ABCA3: variants seen among roughly 807,000 people sequenced by gnomAD.
ABCA3 encodes the protein ATP binding cassette subfamily A member 3, also known as phospholipid-transporting ATPase ABCA3.
In ABCA3, 88 loss-of-function variants were observed where a neutral mutation model predicts 172.8. The ratio of observed to expected loss-of-function variants is 0.51; its 90% CI spans 0.43 to 0.61. The LOEUF (loss-of-function observed/expected upper bound fraction) is 0.61, where lower values mean the gene tolerates loss of function less well. ABCA3 is among the 20% of genes least tolerant of loss of function. The pLI, the probability that ABCA3 is intolerant of heterozygous loss-of-function variation, is 0.00. For synonymous variants in ABCA3, 1,066 were observed against 983.8 expected (o/e 1.08, Z -1.56); for missense variants, 2,164 against 2,301.0 (o/e 0.94, Z 1.22).
chr16:2,298,684 T>C, intron 14 of ABCA3, 144 bp from the exon 15 acceptor site: 1 of 962,054 alleles, frequency 1.0e-6, no homozygotes, highest in South Asian at 1.5e-5. Context: ...CCACTCCCAC[T>C]GGGGTGGGCT....
At position 2,297,770 on chromosome 16, in the gene ABCA3, G is replaced by C. The variant is rs1477240382; in HGVS notation, c.2048C>G (p.Ser683Cys). Residue 683 changes from serine to cysteine, a missense_variant, in exon 16 of 33, where the codon TCC becomes TGC. Around this residue, in one of 3 missense-constraint regions of ABCA3, gnomAD observed 1,343 missense variants for 1,369.6 expected, o/e 0.98. Coordinates refer to ENST00000301732, the MANE Select transcript of ABCA3 (RefSeq NM_001089.3). The surrounding 1 kb of genome is among the most constrained non-coding windows in gnomAD (Gnocchi z 5.6). ...LSIGIALIAGSKVLILDEPTS... is the reference protein window; with the variant it reads ...LSIGIALIAGCKVLILDEPTS... ...CCTCCAGTCCCACCGCCACACCTTG[G>C]AGCCTGCGATGAGGGCGATGCCGAT... The C allele has an allele frequency of 6.2e-7, 1 of 1,611,662 alleles. No homozygotes were observed. Among genetic ancestry groups the C allele is most frequent in the Non-Finnish European group, 8.5e-7 (1 of 1,180,026 alleles).
chr16:2,318,177 G>A (rs572002980), intron 8 of ABCA3, among the ~76,000 whole-genome samples: 2 of 152,328 alleles, frequency 1.3e-5, no homozygotes, highest in African/African-American at 4.8e-5. Context: ...TGTGAGACGT[G>A]ACCACAGATC....
Position 2,288,008 on chromosome 16 carries a change from C to T in ABCA3, c.3004+18G>A, listed in dbSNP as rs1440817719. 2 of 1,600,454 alleles carry T rather than the reference C, an allele frequency of 1.2e-6. No homozygotes were observed. Among genetic ancestry groups the T allele is most frequent in the Non-Finnish European group, 1.7e-6 (2 of 1,179,550 alleles). On this transcript the variant is annotated intron_variant, in intron 21 of 32. Transcript: ENST00000301732. ...CTGGCCCCCGATGCCCCCGTCCCGC[C>T]CCCGGGATGCCCCTTACCGAGCACC...
At chr16:2,338,068 C>T (rs1322356233) in intron 1 of ABCA3, among the ~76,000 whole-genome samples, 1 of 152,186 alleles carries the variant, frequency 6.6e-6, no homozygotes, top group Non-Finnish European at 1.5e-5. Context: ...AGCTGTTCTG[C>T]CTCCCTAGGT....
intron 20 of ABCA3, 98 bp downstream of exon 20, chr16:2,289,336 T>C (rs553191587): frequency 1.4e-6 from 2 of 1,446,198 alleles, no homozygotes; most frequent in South Asian, 1.2e-5. Flanking sequence ...CGGACCCTGT[T>C]TGCGCCCTCG....
At chr16:2,317,168 C>T (rs1038152226) in intron 10 of ABCA3, 115 bp downstream of exon 10, 12 of 1,500,778 alleles carry the variant, frequency 8.0e-6, no homozygotes, top group African/African-American at 1.4e-5. Flanking sequence ...GTCAGCTCCT[C>T]CCTGGGCAGC....
At chr16:2,313,785 C>T (rs1470979555) in intron 10 of ABCA3, among the ~76,000 whole-genome samples, 1 of 150,032 alleles carries the variant, frequency 6.7e-6, no homozygotes, top group Non-Finnish European at 1.5e-5. Flanking sequence ...ATCCCAGCTA[C>T]TTGGGAGGCT....
At chr16:2,319,531 C>A in intron 8 of ABCA3, 50 bp downstream of exon 8, 5 of 1,600,530 alleles carry the variant, frequency 3.1e-6, no homozygotes, top group Non-Finnish European at 4.2e-6. Context: ...CATGGCCTCC[C>A]CAGGACAGCG....
At chr16:2,316,981 G>A (rs531934051) in intron 10 of ABCA3, among the ~76,000 whole-genome samples, 16 of 152,188 alleles carry the variant, frequency 1.1e-4, no homozygotes, top group Non-Finnish European at 2.2e-4. Flanking sequence ...GATCTTCAAC[G>A]TAACTGTCAC....
chr16:2,284,340 G>A lies in ABCA3; in HGVS notation c.3801C>T (p.Asn1267=). 1 of 1,613,976 alleles carries A rather than the reference G, an allele frequency of 6.2e-7. No individual in the cohort carries two copies. Among genetic ancestry groups the A allele is most frequent in the Non-Finnish European group, 8.5e-7 (1 of 1,179,998 alleles). ...AGGTGCAGTACCTCCGCGTCTCGTA[G>A]TTCTCGTAGAAACTGCTGACTGCCA... ...LGMAVSSFYE[N]YETRRYCTSS... The change falls in exon 25 of 33, where the codon AAC becomes AAT. Residue 1267 remains asparagine (N), a synonymous_variant. Transcript: ENST00000301732. The surrounding 1 kb of genome is among the most constrained non-coding windows in gnomAD (Gnocchi z 5.9).
At position 2,304,694 on chromosome 16, in the gene ABCA3, G is replaced by C. The variant is rs1243254018; in HGVS notation, c.1286-544C>G. ...GGCTAAATTTTTTTTTTTTTTTTTT[G>C]AGATGGAGTCTTGCTCTGTCTCCCA... On this transcript the variant is annotated intron_variant, in intron 11 of 32. Coordinates refer to ENST00000301732, the MANE Select transcript of ABCA3 (RefSeq NM_001089.3). Among the ~76,000 whole-genome samples, 34 of 116,328 alleles carry C rather than the reference G, an allele frequency of 2.9e-4. No homozygotes were observed. In the Admixed American group the frequency reaches 3.1e-3, roughly 11 times the overall value. The allele number at this position is 116,328 out of a possible 152,430, so 76.3% of individuals were successfully genotyped here. A position where few individuals can be genotyped will look rare whatever the true frequency, so the allele number is the denominator to read the frequency against.
In ABCA3 at chr16:2,287,478, A is replaced by G. The variant is rs1437236429; in HGVS notation, c.3005-511T>C. ...TGTTTAGTAGAGACAGAGTTTTGCC[A>G]TGTTGACCAGGCTGGTCTCGAACTC... On this transcript the variant is annotated intron_variant, in intron 21 of 32. Transcript: ENST00000301732. The surrounding 1 kb of genome is among the most constrained non-coding windows in gnomAD (Gnocchi z 4.1). Among the ~76,000 whole-genome samples, 3 of 152,134 alleles carry G rather than the reference A, an allele frequency of 2.0e-5. No homozygotes were observed. The highest frequency in any genetic ancestry group is 4.4e-5 in the Non-Finnish European group (3 of 68,028).
intron 3 of ABCA3, among the ~76,000 whole-genome samples, chr16:2,327,038 C>A (rs1319903433): frequency 1.3e-5 from 2 of 152,112 alleles, no homozygotes; most frequent in Non-Finnish European, 2.9e-5. Context: ...TTTTTGGAGC[C>A]CAACTTGTTC....
intron 1 of ABCA3, among the ~76,000 whole-genome samples, chr16:2,336,073 A>T (rs1324752910): frequency 6.6e-6 from 1 of 152,216 alleles, no homozygotes; most frequent in Non-Finnish European, 1.5e-5. Flanking sequence ...AGAAAAAGTG[A>T]CAGTATATGA....
At chr16:2,292,092 G>T in intron 19 of ABCA3, 48 bp downstream of exon 19, 2 of 1,467,458 alleles carry the variant, frequency 1.4e-6, no homozygotes, top group Non-Finnish European at 9.5e-7. Flanking sequence ...AAAGTCCTCT[G>T]CAGCACGGAG....
At chr16:2,334,733 G>T (rs1405822089) in intron 1 of ABCA3, among the ~76,000 whole-genome samples, 1 of 151,700 alleles carries the variant, frequency 6.6e-6, no homozygotes, top group Non-Finnish European at 1.5e-5. Flanking sequence ...GGCCAGGCTG[G>T]TCTTGAACTC....
chr16:2,328,994 T>TG, intron 2 of ABCA3, among the ~76,000 whole-genome samples: 1 of 146,022 alleles, frequency 6.8e-6, no homozygotes, highest in South Asian at 2.1e-4. Context: ...TTAAAACTCT[T>TG]GCTTTTTTTT....
chr16:2,278,038 G>A lies in ABCA3; in HGVS notation c.4750C>T (p.Leu1584=), dbSNP rs1168086441. 8 of 1,613,436 alleles carry A rather than the reference G, an allele frequency of 5.0e-6. No homozygotes were observed. Among genetic ancestry groups the A allele is most frequent in the Non-Finnish European group, 6.8e-6 (8 of 1,180,012 alleles). Residue 1584 remains leucine, a synonymous_variant, in exon 31 of 33, where the codon CTG becomes TTG. Coordinates refer to ENST00000301732, the MANE Select transcript of ABCA3 (RefSeq NM_001089.3). This position sits in a 1 kb window ranked among gnomAD's most constrained non-coding sequence, Gnocchi z 4.4. ...AACTGCCCCTGCACCATGATGGCCA[G>A]CCGGGTGCACAGGGCCTCACACTCC... ...MEECEALCTR[L]AIMVQGQFKC...
intron 1 of ABCA3, chr16:2,339,366 G>C (rs997695963): frequency 1.3e-5 from 2 of 152,192 alleles, no homozygotes; most frequent in African/African-American, 4.8e-5. Flanking sequence ...ACGTCGTCCT[G>C]TTTTTCAGGT....
Sources: allele counts gnomAD v4.1 joint callset (sites outside exome capture counted in the v4.1 genomes callset), GRCh38; gene constraint gnomAD v4.1.1; regional missense constraint gnomAD v4.1.1; non-coding constraint Gnocchi (gnomAD v3.1); transcripts MANE v1.5; gene names NCBI Gene and HGNC (gene_info 2026-07-23, HGNC 2026-07-21).